CCSER1: variants seen among roughly 807,000 people sequenced by gnomAD.
CCSER1 encodes coiled-coil serine rich protein 1.
In CCSER1, 41 loss-of-function variants were observed where a neutral mutation model predicts 82.0. The ratio of observed to expected loss-of-function variants is 0.50; its 90% CI spans 0.39 to 0.65. The LOEUF (loss-of-function observed/expected upper bound fraction) is 0.65. Among genes scored for constraint, CCSER1 ranks in the 30% least tolerant of loss-of-function variants. The probability of loss-of-function intolerance (pLI) is 0.00; values close to 1 mark genes in which losing one functional copy is unlikely to be tolerated. For missense variants in CCSER1, 1,119 were observed against 1,064.2 expected (o/e 1.05, Z -0.72); for synonymous variants, 414 against 383.9 (o/e 1.08, Z -0.92).
At chr4:90,597,184 T>A (rs1783443289) in intron 5 of CCSER1, among the ~76,000 whole-genome samples, 1 of 152,010 alleles carries the variant, frequency 6.6e-6, no homozygotes, top group Non-Finnish European at 1.5e-5. Flanking sequence ...TTTACATCAC[T>A]CTGAATAAGC....
intron 10 of CCSER1, among the ~76,000 whole-genome samples, chr4:91,534,692 TAATTC>T (rs1189980708): frequency 1.3e-5 from 2 of 152,014 alleles, no homozygotes; most frequent in Admixed American, 1.3e-4. Context: ...TTAGCTATAT[TAATTC>T]AATTTTTATG....
At chr4:90,786,062 C>T (rs1754469859) in intron 7 of CCSER1, among the ~76,000 whole-genome samples, 2 of 152,172 alleles carry the variant, frequency 1.3e-5, no homozygotes, top group Admixed American at 1.3e-4. Context: ...TCCGTAGCTA[C>T]AGTCTGAATG....
In CCSER1 at chr4:90,932,994, A is replaced by AAGAAAGAAAGAAAGAAAG. The variant is rs1730278161; in HGVS notation, c.2172+9549_2172+9566dup. ...AGAAAGAAAGAAAGAGAAAGAAAGAAAGAAAGAAAGAAAGAAAGAAAGAAA... is the reference window on the plus strand; with the variant it reads ...AGAAAGAAAGAAAGAGAAAGAAAGAAAGAAAGAAAGAAAGAAAGAGAAAGAAAGAAAGAAAGAAAGAAA... On this transcript the variant is annotated intron_variant, in intron 9 of 10. Coordinates refer to ENST00000509176, the MANE Select transcript of CCSER1 (RefSeq NM_001145065.2). Among the ~76,000 whole-genome samples the AAGAAAGAAAGAAAGAAAG allele has an allele frequency of 9.9e-5, 6 of 60,406 alleles. 1 individual carries two copies. The highest frequency in any genetic ancestry group is 7.7e-4 in the South Asian group (2 of 2,614). 39.6% of individuals were successfully genotyped at this position (60,406 alleles called of 152,430 possible).
chr4:90,315,574 G>A (rs534742015), intron 3 of CCSER1, among the ~76,000 whole-genome samples: 4 of 151,870 alleles, frequency 2.6e-5, no homozygotes, highest in African/African-American at 9.7e-5. Flanking sequence ...GTGCAGTCTC[G>A]GCTCTCTGCA....
chr4:91,349,048 A>G lies in CCSER1; in HGVS notation c.2218-249524A>G, dbSNP rs545405122. On this transcript the variant is annotated intron_variant, in intron 10 of 10. Transcript: ENST00000509176. ...CTCAGCCTCCCAAGTAGGTGGGACT[A>G]CAGGCACCGCCACCGTGCCCGGCTA... Among the ~76,000 whole-genome samples, 7 of 152,172 alleles carry G rather than the reference A, an allele frequency of 4.6e-5. No homozygotes were observed. The East Asian group carries it at 1.2e-3, about 25-fold the overall frequency.
chr4:90,312,256 G>A (rs1735414258), intron 2 of CCSER1, among the ~76,000 whole-genome samples: 1 of 152,126 alleles, frequency 6.6e-6, no homozygotes, highest in South Asian at 2.1e-4. Context: ...AGTGATGGAG[G>A]GGAGAGCAGG....
Position 90,312,920 on chromosome 4 carries a change from G to A in CCSER1, c.1382G>A (p.Arg461Gln), listed in dbSNP as rs1362443481. 6.3e-6 allele frequency: 10 copies of A among 1,586,470 alleles called. No homozygotes were observed. In the African/African-American group the frequency reaches 6.7e-5, roughly 11 times the overall value. The change falls in exon 3 of 11, where the codon CGA (arginine) becomes CAA (glutamine). Residue 461 changes from arginine (R) to glutamine (Q), a missense_variant. Physicochemically the swap from Arg to Gln is conservative, Grantham distance 43 (BLOSUM62 1). Coordinates refer to ENST00000509176, the MANE Select transcript of CCSER1 (RefSeq NM_001145065.2). ...REGRFIERRLRSSSEGTAGSS... is the reference protein window; with the variant it reads ...REGRFIERRLQSSSEGTAGSS... Reference sequence around the variant, plus strand: ...GGAAGATTTATAGAGAGGAGACTGCGATCCTCGTCAGAAGGCACTGCAGGG... The same window carrying A: ...GGAAGATTTATAGAGAGGAGACTGCAATCCTCGTCAGAAGGCACTGCAGGG...
At chr4:90,849,457 TA>T (rs1328957979) in intron 8 of CCSER1, among the ~76,000 whole-genome samples, 1 of 152,042 alleles carries the variant, frequency 6.6e-6, no homozygotes, top group Non-Finnish European at 1.5e-5. Context: ...AAGGAGAGCA[TA>T]AATGTTGGGA....
At chr4:90,146,901 T>C (rs1725912244) in intron 1 of CCSER1, among the ~76,000 whole-genome samples, 1 of 152,092 alleles carries the variant, frequency 6.6e-6, no homozygotes, top group Non-Finnish European at 1.5e-5. Context: ...CACTATGATA[T>C]TCTTTTAAAA....
chr4:91,308,818 G>A (rs1383713488), intron 10 of CCSER1, among the ~76,000 whole-genome samples: 1 of 151,852 alleles, frequency 6.6e-6, no homozygotes, highest in East Asian at 1.9e-4. Context: ...ATATTTGGGA[G>A]CCCTAGATTT....
intron 3 of CCSER1, among the ~76,000 whole-genome samples, chr4:90,344,061 A>T (rs990357090): frequency 1.6e-4 from 25 of 152,146 alleles, no homozygotes; most frequent in African/African-American, 6.0e-4. Flanking sequence ...AGCCTCTGGT[A>T]ACCATCCTTT....
chr4:90,986,171 A>G (rs2150434821), intron 9 of CCSER1, among the ~76,000 whole-genome samples: 1 of 151,828 alleles, frequency 6.6e-6, no homozygotes, highest in South Asian at 2.1e-4. Flanking sequence ...AAGTATGTGC[A>G]CCACTGTTCC....
At chr4:90,797,773 T>G (rs760355522) in intron 7 of CCSER1, among the ~76,000 whole-genome samples, 14 of 152,218 alleles carry the variant, frequency 9.2e-5, no homozygotes, top group Non-Finnish European at 2.1e-4. Flanking sequence ...TTGGAATTCT[T>G]TTCTTTAAGA....
chr4:90,488,240 G>T (rs1248181512), intron 5 of CCSER1, among the ~76,000 whole-genome samples: 1 of 152,092 alleles, frequency 6.6e-6, no homozygotes, highest in African/African-American at 2.4e-5. Flanking sequence ...GGAGTACAGT[G>T]GCGTGATCTC....
intron 10 of CCSER1, among the ~76,000 whole-genome samples, chr4:91,448,960 TA>T (rs1355380957): frequency 1.3e-5 from 2 of 151,674 alleles, no homozygotes; most frequent in East Asian, 1.9e-4. Context: ...AGTGATGGGG[TA>T]GGGGGTAGGT....
intron 10 of CCSER1, among the ~76,000 whole-genome samples, chr4:91,331,097 A>G (rs1746920599): frequency 6.6e-6 from 1 of 152,068 alleles, no homozygotes; most frequent in African/African-American, 2.4e-5. Flanking sequence ...GTATCCTTCA[A>G]GATAAGGGGG....
At chr4:91,286,728 C>T (rs1378281867) in intron 10 of CCSER1, among the ~76,000 whole-genome samples, 2 of 151,800 alleles carry the variant, frequency 1.3e-5, no homozygotes, top group Non-Finnish European at 3.0e-5. Flanking sequence ...TTCCAAATTA[C>T]AGAAGCATGT....
chr4:91,601,209 CTATT>C lies in CCSER1; in HGVS notation c.*2156_*2159del, dbSNP rs1428150833. On this transcript the variant is annotated 3_prime_UTR_variant, in exon 11 of 11. Coordinates refer to ENST00000509176, the MANE Select transcript of CCSER1 (RefSeq NM_001145065.2). ...TTGAATTATACTTTATAAAAATAAT[CTATT>C]TATAGAAGATCTGTCATTTAATAGA... is the stretch of plus-strand genomic sequence containing the variant. The C allele has an allele frequency of 6.6e-6, 1 of 151,920 alleles. No homozygotes were observed. The highest frequency in any genetic ancestry group is 2.4e-5 in the African/African-American group (1 of 41,398). 9.4% of individuals were successfully genotyped at this position (151,920 alleles called of 1,614,324 possible). A position where few individuals can be genotyped will look rare whatever the true frequency, so the allele number is the denominator to read the frequency against.
At chr4:91,008,989 C>G (rs147930641) in intron 9 of CCSER1, among the ~76,000 whole-genome samples, 1 of 152,212 alleles carries the variant, frequency 6.6e-6, no homozygotes, top group African/African-American at 2.4e-5. Context: ...AACCCGGGCA[C>G]TTAGCCGTGC....
Sources: allele counts gnomAD v4.1 joint callset (sites outside exome capture counted in the v4.1 genomes callset), GRCh38; gene constraint gnomAD v4.1.1; transcripts MANE v1.5; gene names NCBI Gene and HGNC (gene_info 2026-07-23, HGNC 2026-07-21).